ITGA8: variants seen among roughly 807,000 people sequenced by gnomAD.
The protein encoded by ITGA8 is integrin alpha-8.
ITGA8 carries 91 observed loss-of-function variants against 142.3 expected under a neutral mutation model. That is an observed-to-expected ratio of 0.64 (90% CI 0.54 to 0.76). The LOEUF is 0.76. Among genes scored for constraint, ITGA8 ranks in the 30% least tolerant of loss-of-function variants. The probability of loss-of-function intolerance (pLI) is 0.00; values close to 1 mark genes in which losing one functional copy is unlikely to be tolerated. For missense variants in ITGA8, 1,406 were observed against 1,327.7 expected, an observed-to-expected ratio of 1.06 and a Z score of -0.92; for synonymous variants, 505 against 485.2, an observed-to-expected ratio of 1.04 and a Z score of -0.54.
At position 15,593,827 on chromosome 10, in the gene ITGA8, G is replaced by A. The variant is rs186117606; in HGVS notation, c.2212-1523C>T. 3.7e-4 allele frequency among the ~76,000 whole-genome samples: 55 copies of A among 147,140 alleles called. No individual in the cohort carries two copies. The East Asian group carries it at 9.0e-3, about 24-fold the overall frequency. ...CTAGTATTTAATGCTAAGGCATTACGCCCCAGCAAAGATTTTTTTTTTTTT... is the reference window on the plus strand; with the variant it reads ...CTAGTATTTAATGCTAAGGCATTACACCCCAGCAAAGATTTTTTTTTTTTT... On this transcript the variant is annotated intron_variant, in intron 21 of 29. Transcript: ENST00000378076.
At position 15,555,322 on chromosome 10, in the gene ITGA8, A is replaced by C. The variant is rs192590886; in HGVS notation, c.2766+2752T>G. ...TGGAGCATTTTAGACAATGATTCCA[A>C]AAGCTATTAATACTGTCTGTGATGA... On this transcript the variant is annotated intron_variant, in intron 26 of 29. Transcript: ENST00000378076. Among the ~76,000 whole-genome samples the C allele has an allele frequency of 3.1e-3, 477 of 152,356 alleles. 2 individuals are homozygous for C. The highest frequency in any genetic ancestry group is 5.7e-3 in the Non-Finnish European group (385 of 68,036).
At chr10:15,713,417 C>T (rs1835396392) in intron 2 of ITGA8, among the ~76,000 whole-genome samples, 1 of 152,102 alleles carries the variant, frequency 6.6e-6, no homozygotes, top group African/African-American at 2.4e-5. Context: ...TTTGGGCTTC[C>T]GTCTTCCCCC....
At chr10:15,636,255 C>G (rs944557207) in intron 13 of ITGA8, among the ~76,000 whole-genome samples, 1 of 152,170 alleles carries the variant, frequency 6.6e-6, no homozygotes, top group Non-Finnish European at 1.5e-5. Context: ...CTGACTATCA[C>G]GGCTGTTTCT....
At chr10:15,540,546 A>G (rs559169355) in intron 27 of ITGA8, among the ~76,000 whole-genome samples, 142 of 152,356 alleles carry the variant, frequency 9.3e-4, no homozygotes, top group African/African-American at 3.3e-3. Flanking sequence ...AAATGCAAGA[A>G]GTCTTTGCTA....
chr10:15,608,343 G>A, intron 15 of ITGA8, 53 bp from the exon 16 acceptor site: 9 of 1,140,784 alleles, frequency 7.9e-6, no homozygotes, highest in Non-Finnish European at 1.1e-5. Flanking sequence ...ATCTAAAGTA[G>A]AAGCCTTCCT....
At chr10:15,659,669 C>A (rs1588704420) in intron 9 of ITGA8, among the ~76,000 whole-genome samples, 1 of 152,186 alleles carries the variant, frequency 6.6e-6, no homozygotes, top group Non-Finnish European at 1.5e-5. Context: ...GAAATAGGAT[C>A]TTTGCAGATG....
intron 26 of ITGA8, among the ~76,000 whole-genome samples, chr10:15,550,337 A>G (rs1833772345): frequency 6.6e-6 from 1 of 152,208 alleles, no homozygotes; most frequent in Non-Finnish European, 1.5e-5. Context: ...AGGTACCCAC[A>G]GCAGGAACAG....
At chr10:15,694,676 G>T (rs1188220763) in intron 2 of ITGA8, among the ~76,000 whole-genome samples, 129 of 12,052 alleles carry the variant, frequency 0.011, no homozygotes, top group East Asian at 0.026. Context: ...TATATTTGTC[G>T]ACATATATAT....
chr10:15,614,078 C>T (rs1440987778), intron 14 of ITGA8, among the ~76,000 whole-genome samples: 2 of 152,172 alleles, frequency 1.3e-5, no homozygotes, highest in African/African-American at 4.8e-5. Context: ...GGCAATATTG[C>T]TGTGAAATAT....
In ITGA8 at chr10:15,573,784, C is replaced by T. The variant is rs577836103; in HGVS notation, c.2479-1415G>A. On this transcript the variant is annotated intron_variant, in intron 24 of 29. Coordinates refer to ENST00000378076, the MANE Select transcript of ITGA8 (RefSeq NM_003638.3). ...AATCGAGAAGGAACCTCAAACAGAA[C>T]GCCTTGGAACATGGTTTTACCAAAA... Among the ~76,000 whole-genome samples the T allele has an allele frequency of 4.6e-5, 7 of 152,074 alleles. No individual in the cohort carries two copies. In the South Asian group the frequency reaches 6.2e-4, roughly 14 times the overall value.
chr10:15,558,047 A>C, intron 26 of ITGA8, 27 bp downstream of exon 26: 1 of 1,612,986 alleles, frequency 6.2e-7, no homozygotes, highest in Non-Finnish European at 8.5e-7. Flanking sequence ...CATTTCCCTC[A>C]GTTCTATGCA....
intron 27 of ITGA8, among the ~76,000 whole-genome samples, chr10:15,548,146 C>A (rs1411511170): frequency 1.3e-5 from 2 of 150,490 alleles, no homozygotes; most frequent in Non-Finnish European, 2.9e-5. Context: ...GGCTGGAGTG[C>A]AGTGGCACAA....
At chr10:15,532,543 A>C (rs1833330862) in intron 27 of ITGA8, among the ~76,000 whole-genome samples, 1 of 151,564 alleles carries the variant, frequency 6.6e-6, no homozygotes, top group South Asian at 2.1e-4. Context: ...AGAGCTTCTC[A>C]GTGAAAGCTC....
At chr10:15,677,902 GT>G (rs1834662238) in intron 5 of ITGA8, among the ~76,000 whole-genome samples, 1 of 152,216 alleles carries the variant, frequency 6.6e-6, no homozygotes, top group South Asian at 2.1e-4. Context: ...GATAAATTCT[GT>G]TTTTTGGCAC....
intron 13 of ITGA8, among the ~76,000 whole-genome samples, chr10:15,618,785 G>A (rs1207919266): frequency 6.6e-6 from 1 of 152,196 alleles, no homozygotes; most frequent in East Asian, 1.9e-4. Context: ...ACTCGGACTG[G>A]CTTCCTAGCT....
At chr10:15,552,237 C>A (rs751801391) in intron 26 of ITGA8, among the ~76,000 whole-genome samples, 1 of 151,928 alleles carries the variant, frequency 6.6e-6, no homozygotes, top group Non-Finnish European at 1.5e-5. Context: ...CCCGGGTTCA[C>A]GCCATTCTCC....
At chr10:15,619,544 A>C (rs1371725560) in intron 13 of ITGA8, among the ~76,000 whole-genome samples, 1 of 152,222 alleles carries the variant, frequency 6.6e-6, no homozygotes, top group Non-Finnish European at 1.5e-5. Context: ...CATGGAATAA[A>C]ACATTCTTTT....
At chr10:15,520,320 C>T (rs750069775) in intron 28 of ITGA8, among the ~76,000 whole-genome samples, 5 of 151,976 alleles carry the variant, frequency 3.3e-5, no homozygotes, top group Non-Finnish European at 7.4e-5. Flanking sequence ...GGCTGACACA[C>T]GAAAATTGCT....
At chr10:15,559,081 C>T (rs984253071) in intron 25 of ITGA8, among the ~76,000 whole-genome samples, 3 of 152,092 alleles carry the variant, frequency 2.0e-5, no homozygotes, top group Non-Finnish European at 2.9e-5. Flanking sequence ...TCTACATGGC[C>T]GATGTAGGCT....
Sources: gnomAD v4.1 joint callset for allele counts (sites outside exome capture counted in the v4.1 genomes callset) on GRCh38, gnomAD v4.1.1 for gene constraint, MANE v1.5 for transcripts, NCBI Gene and HGNC (gene_info 2026-07-23, HGNC 2026-07-21) for gene names.